SH3PXD2A: variants seen among roughly 807,000 people sequenced by gnomAD.
SH3PXD2A encodes the protein SH3 and PX domain-containing protein 2A.
In SH3PXD2A, 32 loss-of-function variants were observed where a neutral mutation model predicts 115.2. The observed-to-expected ratio is 0.28, with a 90% CI of 0.21 to 0.37. SH3PXD2A has a LOEUF of 0.37. Among genes scored for constraint, SH3PXD2A ranks in the 10% least tolerant of loss-of-function variants. SH3PXD2A has a pLI of 1.00. For synonymous variants in SH3PXD2A, 610 were observed against 629.1 expected (o/e 0.97, Z 0.45); for missense variants, 1,328 against 1,498.7 (o/e 0.89, Z 1.88).
At chr10:103,684,603 G>A (rs912611683) in intron 6 of SH3PXD2A, among the ~76,000 whole-genome samples, 3 of 151,826 alleles carry the variant, frequency 2.0e-5, no homozygotes, top group African/African-American at 4.8e-5. Context: ...CAACTGCCTC[G>A]GTCTTCCAAA....
chr10:103,647,605 G>A lies in SH3PXD2A; in HGVS notation c.604+13378C>T, dbSNP rs532166207. 4.6e-5 allele frequency among the ~76,000 whole-genome samples: 7 copies of A among 152,274 alleles called. No homozygotes were observed. The South Asian group carries it at 8.3e-4, about 18-fold the overall frequency. Reference sequence around the variant, plus strand: ...CACTTGGTGCTTGCACATGGTGCTTGGAAACAGAAGAACAGGGTTAAATTC... The same window carrying A: ...CACTTGGTGCTTGCACATGGTGCTTAGAAACAGAAGAACAGGGTTAAATTC... On this transcript the variant is annotated intron_variant, in intron 8 of 14. Transcript: ENST00000369774.
Position 103,603,541 on chromosome 10 carries a change from G to A in SH3PXD2A, c.1677C>T (p.Asp559=), listed in dbSNP as rs373020614. The A allele has an allele frequency of 2.7e-5, 43 of 1,612,790 alleles. No individual in the cohort carries two copies. Among genetic ancestry groups the A allele is most frequent in the Admixed American group, 6.7e-5 (4 of 59,882 alleles). The change falls in exon 15 of 15, where the codon GAC becomes GAT. Residue 559 remains aspartate, a synonymous_variant. Transcript: ENST00000369774. ...CTGAGTCAAAGCCGAATGCAGGGAT[G>A]TCATACTCAGGCTCCTCATACTTGA... ...RKLKYEEPEY[D]IPAFGFDSEP...
At position 103,623,269 on chromosome 10, in the gene SH3PXD2A, G is replaced by GC. The variant is rs1491033776; in HGVS notation, c.719-717dup. Among the ~76,000 whole-genome samples the GC allele has an allele frequency of 1.2e-3, 174 of 149,388 alleles. 2 individuals are homozygous for GC. Among genetic ancestry groups the GC allele is most frequent in the African/African-American group, 3.5e-3 (142 of 40,086 alleles). ...CCCATCGGGACATCTGATGACAGGGGCCCCCTCCCCAGCTTCTCACTGCTC... is the reference window on the plus strand; with the variant it reads ...CCCATCGGGACATCTGATGACAGGGGCCCCCCTCCCCAGCTTCTCACTGCTC... On this transcript the variant is annotated intron_variant, in intron 9 of 14. Coordinates refer to ENST00000369774, the MANE Select transcript of SH3PXD2A (RefSeq NM_001394015.1).
chr10:103,847,401 C>T (rs1489898466), intron 1 of SH3PXD2A, among the ~76,000 whole-genome samples: 1 of 152,076 alleles, frequency 6.6e-6, no homozygotes, highest in East Asian at 1.9e-4. Flanking sequence ...GCAGGCTCAA[C>T]CTCCTGGGCT....
chr10:103,703,816 C>T (rs2037948641), intron 5 of SH3PXD2A, among the ~76,000 whole-genome samples: 1 of 152,142 alleles, frequency 6.6e-6, no homozygotes, highest in Admixed American at 6.5e-5. Context: ...CAGACTCTGA[C>T]ATGGTATGGC....
intron 5 of SH3PXD2A, among the ~76,000 whole-genome samples, chr10:103,695,842 C>T (rs1016365090): frequency 3.3e-5 from 5 of 152,232 alleles, no homozygotes; most frequent in African/African-American, 1.2e-4. Flanking sequence ...GCCTGTCCTT[C>T]AGCCAGAGTT....
chr10:103,711,554 G>C (rs2038046937), intron 5 of SH3PXD2A, among the ~76,000 whole-genome samples: 1 of 152,196 alleles, frequency 6.6e-6, no homozygotes, highest in Non-Finnish European at 1.5e-5. Context: ...CACCGGGAGG[G>C]CCAGGCAGAC....
rs1389144306 is a variant in SH3PXD2A, at chr10:103,620,539, A to C, written c.802+1931T>G. On this transcript the variant is annotated intron_variant, in intron 10 of 14. Transcript: ENST00000369774. The surrounding 1 kb of genome is among the most constrained non-coding windows in gnomAD (Gnocchi z 5.3). The stretch of plus-strand genomic sequence containing the variant: ...GGAACGGGGAGCGGAGGCCGTGGGG[A>C]AGCTCCGCTTTTCTCTTGTCTAGCT... Among the ~76,000 whole-genome samples the C allele has an allele frequency of 6.6e-6, 1 of 151,964 alleles. No individual in the cohort carries two copies. The highest frequency in any genetic ancestry group is 2.4e-5 in the African/African-American group (1 of 41,350).
intron 1 of SH3PXD2A, among the ~76,000 whole-genome samples, chr10:103,829,755 C>G (rs1367964605): frequency 6.6e-6 from 1 of 151,982 alleles, no homozygotes; most frequent in African/African-American, 2.4e-5. Context: ...AAAGCAAGGA[C>G]AAAAAAGGTA....
At chr10:103,631,694 A>G (rs566913063) in intron 8 of SH3PXD2A, among the ~76,000 whole-genome samples, 1 of 152,246 alleles carries the variant, frequency 6.6e-6, no homozygotes, top group South Asian at 2.1e-4. Flanking sequence ...TCACTCCCCA[A>G]ATTTCTGCTT....
chr10:103,675,875 C>G (rs2037525367), intron 6 of SH3PXD2A, among the ~76,000 whole-genome samples: 1 of 152,100 alleles, frequency 6.6e-6, no homozygotes, highest in South Asian at 2.1e-4. Flanking sequence ...AACCCCATCT[C>G]TACTAAATAT....
chr10:103,822,034 G>T (rs766794511), intron 1 of SH3PXD2A, among the ~76,000 whole-genome samples: 1 of 152,104 alleles, frequency 6.6e-6, no homozygotes, highest in Non-Finnish European at 1.5e-5. Flanking sequence ...CTCCTGAGTA[G>T]CTGGGATTAC....
chr10:103,647,866 G>C (rs77477262), intron 8 of SH3PXD2A, among the ~76,000 whole-genome samples: 4,595 of 152,300 alleles, frequency 0.03, 80 homozygotes, highest in South Asian at 0.044. Flanking sequence ...GCACGAAAGA[G>C]TCAATCAGAT....
Position 103,627,567 on chromosome 10 carries a change from A to T in SH3PXD2A, c.605-365T>A, listed in dbSNP as rs1172909151. Among the ~76,000 whole-genome samples, 1 of 152,262 alleles carries T rather than the reference A, an allele frequency of 6.6e-6. No individual in the cohort carries two copies. Among genetic ancestry groups the T allele is most frequent in the Non-Finnish European group, 1.5e-5 (1 of 68,046 alleles). ...CCATTTATGGTCTTTGAAACCCATT[A>T]GGATGACTGGTTTGCCTGGAGCTTG... is the stretch of plus-strand genomic sequence containing the variant. On this transcript the variant is annotated intron_variant, in intron 8 of 14. Coordinates refer to ENST00000369774, the MANE Select transcript of SH3PXD2A (RefSeq NM_001394015.1). The surrounding 1 kb of genome is among the most constrained non-coding windows in gnomAD (Gnocchi z 4.4).
At chr10:103,761,910 C>T (rs760869541) in intron 3 of SH3PXD2A, among the ~76,000 whole-genome samples, 4 of 151,146 alleles carry the variant, frequency 2.6e-5, no homozygotes, top group Non-Finnish European at 5.9e-5. Context: ...AGTGATTTGA[C>T]TTCTCTTTAA....
chr10:103,846,275 A>G (rs1038773873), intron 1 of SH3PXD2A, among the ~76,000 whole-genome samples: 7 of 152,238 alleles, frequency 4.6e-5, no homozygotes, highest in African/African-American at 1.7e-4. Context: ...AGCCACTTAG[A>G]TATCACTTCC....
At chr10:103,837,432 T>C (rs924168968) in intron 1 of SH3PXD2A, among the ~76,000 whole-genome samples, 1 of 152,140 alleles carries the variant, frequency 6.6e-6, no homozygotes, top group Non-Finnish European at 1.5e-5. Flanking sequence ...TAACTCCCAT[T>C]CCCCACCACT....
At chr10:103,660,471 G>A (rs1230147373) in intron 8 of SH3PXD2A, among the ~76,000 whole-genome samples, 2 of 152,150 alleles carry the variant, frequency 1.3e-5, no homozygotes, top group African/African-American at 4.8e-5. Flanking sequence ...TCGGCAGGGG[G>A]CAGTCAGATC....
chr10:103,602,614 C>T lies in SH3PXD2A; in HGVS notation c.2604G>A (p.Gln868=), dbSNP rs1283236875. 1.9e-6 allele frequency: 3 copies of T among 1,614,112 alleles called. No homozygotes were observed. Among genetic ancestry groups the T allele is most frequent in the Admixed American group, 3.3e-5 (2 of 60,016 alleles). ...ACCCGCTCTCCTGCTTCTCCAGCAC[C>T]TGCACCTCCACGCCCGCGGGGAAGC... The part of the protein sequence containing the change: ...EISFPAGVEV[Q]VLEKQESGWW... Residue 868 remains glutamine, a synonymous_variant, in exon 15 of 15, where the codon CAG becomes CAA. Transcript: ENST00000369774.
Sources: allele counts gnomAD v4.1 joint callset (sites outside exome capture counted in the v4.1 genomes callset), GRCh38; gene constraint gnomAD v4.1.1; non-coding constraint Gnocchi (gnomAD v3.1); transcripts MANE v1.5; gene names NCBI Gene and HGNC (gene_info 2026-07-23, HGNC 2026-07-21).